Variants in PARP6 observed in about 807,000 individuals in gnomAD.
PARP6 encodes the protein poly(ADP-ribose) polymerase family member 6.
In PARP6, 27 loss-of-function variants were observed where a neutral mutation model predicts 92.0. That is an observed-to-expected ratio of 0.29 (90% CI 0.22 to 0.40). PARP6 has a LOEUF of 0.40. PARP6 is among the 10% of genes least tolerant of loss of function. The pLI, the probability that PARP6 is intolerant of heterozygous loss-of-function variation, is 1.00. For synonymous variants in PARP6, 272 were observed against 281.2 expected (o/e 0.97, Z 0.33); for missense variants, 501 against 784.5 (o/e 0.64, Z 4.32).
chr15:72,248,067 C>T (rs1374287945), intron 20 of PARP6, among the ~76,000 whole-genome samples: 4 of 152,074 alleles, frequency 2.6e-5, no homozygotes, highest in African/African-American at 7.2e-5. Context: ...CACCGTGCCC[C>T]GCCTTATTAC....
intron 20 of PARP6, among the ~76,000 whole-genome samples, chr15:72,248,514 G>C (rs552451261): frequency 3.4e-4 from 51 of 152,152 alleles, no homozygotes; most frequent in Admixed American, 1.8e-3. Context: ...AATTACTACA[G>C]GATATCAAGT....
Position 72,254,535 on chromosome 15 carries a change from T to C in PARP6, c.1126-15A>G, listed in dbSNP as rs1418117515. 5.0e-6 allele frequency: 8 copies of C among 1,600,142 alleles called. No homozygotes were observed. In the Admixed American group the frequency reaches 5.0e-5, roughly 10 times the overall value. On this transcript the variant is annotated splice_polypyrimidine_tract_variant and intron_variant, in intron 14 of 23. Coordinates refer to ENST00000569795, the MANE Select transcript of PARP6 (RefSeq NM_001323532.2). ...TAATTCTTCTTCTGTGGAGAATCAATGGGAAGAGAAGAACCAAATAAAGAA... is the reference window on the plus strand; with the variant it reads ...TAATTCTTCTTCTGTGGAGAATCAACGGGAAGAGAAGAACCAAATAAAGAA...
At chr15:72,251,479 A>T in intron 16 of PARP6, 1 of 340,950 alleles carries the variant, frequency 2.9e-6, no homozygotes. Context: ...CAAGCTAATT[A>T]TTGGGGAGTT....
At chr15:72,253,607 C>A (rs905195981) in intron 15 of PARP6, 103 bp from the exon 16 acceptor site, 2 of 895,638 alleles carry the variant, frequency 2.2e-6, no homozygotes, top group Admixed American at 2.0e-5. Context: ...AAGGTAGGCA[C>A]CAAAGGCCAC....
chr15:72,264,523 T>TGTC, intron 8 of PARP6, 32 bp downstream of exon 8: 2 of 1,542,100 alleles, frequency 1.3e-6, no homozygotes, highest in Non-Finnish European at 1.8e-6. Context: ...TTCCTTCACA[T>TGTC]GTCCATGACC....
intron 16 of PARP6, chr15:72,251,498 G>T: frequency 4.5e-6 from 1 of 220,992 alleles, no homozygotes; most frequent in Non-Finnish European, 8.3e-6. Flanking sequence ...TTAAACAATG[G>T]ATGAAAAAAA....
intron 8 of PARP6, among the ~76,000 whole-genome samples, chr15:72,263,388 C>A (rs1315264523): frequency 1.3e-5 from 2 of 152,180 alleles, no homozygotes; most frequent in African/African-American, 4.8e-5. Context: ...TACAAAAGCA[C>A]CCTACTACAC....
At chr15:72,255,664 A>G (rs189764330) in intron 14 of PARP6, among the ~76,000 whole-genome samples, 104 of 151,930 alleles carry the variant, frequency 6.8e-4, no homozygotes, top group African/African-American at 2.5e-3. Flanking sequence ...CAGCCTCCAT[A>G]ATCATGTGAG....
intron 20 of PARP6, among the ~76,000 whole-genome samples, chr15:72,248,053 G>A (rs569670270): frequency 6.6e-6 from 1 of 152,138 alleles, no homozygotes; most frequent in East Asian, 1.9e-4. Context: ...TTACACGTGT[G>A]AGCCACCGTG....
chr15:72,250,808 CTCA>C, intron 18 of PARP6, 34 bp downstream of exon 18: 8 of 1,021,628 alleles, frequency 7.8e-6, no homozygotes, highest in South Asian at 1.4e-5. Context: ...TCCCCGCCCC[CTCA>C]CCACCCCCAC....
At chr15:72,267,389 G>C in intron 3 of PARP6, 86 bp downstream of exon 3, 1 of 1,456,268 alleles carries the variant, frequency 6.9e-7, no homozygotes, top group South Asian at 1.1e-5. Flanking sequence ...GGGTAGAAGG[G>C]AAAATACCAA....
rs1567152910 is a variant in PARP6 at position 72,242,300 on chromosome 15, T to C, written c.1642-80A>G. 4.4e-6 allele frequency: 5 copies of C among 1,135,094 alleles called. No homozygotes were observed. The highest frequency in any genetic ancestry group is 6.7e-6 in the Non-Finnish European group (5 of 751,246). 70.3% of individuals were successfully genotyped at this position (1,135,094 alleles called of 1,614,324 possible). ...CCTAGAGAGGCTGGTTAGCTGATGA[T>C]TGGGAGTGGGGATCAGAGATATCCT... is the stretch of plus-strand genomic sequence containing the variant. On this transcript the variant is annotated intron_variant, in intron 21 of 23. Transcript: ENST00000569795. The surrounding 1 kb of genome is among the most constrained non-coding windows in gnomAD (Gnocchi z 4.3).
In PARP6 at chr15:72,241,743, C is replaced by G. The variant is rs2083078891; in HGVS notation, c.1790+158G>C. Among the ~76,000 whole-genome samples the G allele has an allele frequency of 6.6e-6, 1 of 152,220 alleles. No individual in the cohort carries two copies. Among genetic ancestry groups the G allele is most frequent in the Non-Finnish European group, 1.5e-5 (1 of 68,038 alleles). On this transcript the variant is annotated intron_variant, in intron 23 of 23. Transcript: ENST00000569795. This position sits in a 1 kb window ranked among gnomAD's most constrained non-coding sequence, Gnocchi z 4.1. The stretch of plus-strand genomic sequence containing the variant: ...TAGATAGATCCCAACCATCTATACC[C>G]ATTCCCATCCTCCAATGGTAAAGTC...
intron 2 of PARP6, among the ~76,000 whole-genome samples, chr15:72,269,011 G>A (rs973364965): frequency 6.6e-6 from 1 of 152,136 alleles, no homozygotes; most frequent in Non-Finnish European, 1.5e-5. Context: ...GGCTTTAATG[G>A]CTGAAGATGG....
Position 72,242,339 on chromosome 15 carries a change from C to A in PARP6, c.1642-119G>T. ...CAGAGATATCCTGGGCTCCCAGCAA[C>A]ACCCCTCGCCGCCCAGAAAATTCTT... is the stretch of plus-strand genomic sequence containing the variant. On this transcript the variant is annotated intron_variant, in intron 21 of 23. Coordinates refer to ENST00000569795, the MANE Select transcript of PARP6 (RefSeq NM_001323532.2). The surrounding 1 kb of genome is among the most constrained non-coding windows in gnomAD (Gnocchi z 4.3). 1 of 761,564 alleles carries A rather than the reference C, an allele frequency of 1.3e-6. No individual in the cohort carries two copies. Among genetic ancestry groups the A allele is most frequent in the South Asian group, 1.6e-5 (1 of 63,612 alleles). 47.2% of individuals were successfully genotyped at this position (761,564 alleles called of 1,614,324 possible).
rs1196288390 is a variant in PARP6, at chr15:72,242,281, G to A, written c.1642-61C>T. On this transcript the variant is annotated intron_variant, in intron 21 of 23. Transcript: ENST00000569795. The surrounding 1 kb of genome is among the most constrained non-coding windows in gnomAD (Gnocchi z 4.3). ...GTAGATGGGTACAGCTTTCCCTAGA[G>A]AGGCTGGTTAGCTGATGATTGGGAG... 6 of 1,354,234 alleles carry A rather than the reference G, an allele frequency of 4.4e-6. No homozygotes were observed. Among genetic ancestry groups the A allele is most frequent in the African/African-American group, 1.4e-5 (1 of 69,858 alleles). 83.9% of individuals were successfully genotyped at this position (1,354,234 alleles called of 1,614,324 possible).
chr15:72,265,214 C>T (rs560749646), intron 6 of PARP6, 43 bp from the exon 7 acceptor site: 24 of 1,386,328 alleles, frequency 1.7e-5, no homozygotes, highest in East Asian at 6.8e-5. Context: ...GCAACATAGA[C>T]GAATGGACCT....
chr15:72,260,612 G>A lies in PARP6; in HGVS notation c.622C>T (p.Leu208Phe). The change falls in exon 10 of 24, where the codon CTC (leucine) becomes TTC (phenylalanine). Residue 208 changes from leucine to phenylalanine, a missense_variant. Leu to Phe is a conservative substitution (Grantham distance 22). Coordinates refer to ENST00000569795, the MANE Select transcript of PARP6 (RefSeq NM_001323532.2). ...LGVPELRVGR[L>F]MNRSISCTMK... ...GTACAGGAGATGGAACGGTTCATGA[G>A]GCGCCCAACCCGAAGCTCTGGTACA... The A allele has an allele frequency of 6.2e-7, 1 of 1,614,180 alleles. No homozygotes were observed. The highest frequency in any genetic ancestry group is 2.2e-5 in the East Asian group (1 of 44,888).
chr15:72,272,433 T>A lies in PARP6; in HGVS notation c.-500A>T, dbSNP rs1404395255. 6.6e-6 allele frequency: 1 copy of A among 152,028 alleles called. No homozygotes were observed. The highest frequency in any genetic ancestry group is 1.5e-5 in the Non-Finnish European group (1 of 68,174). The allele number at this position is 152,028 out of a possible 1,614,324, so 9.4% of individuals were successfully genotyped here. A position where few individuals can be genotyped will look rare whatever the true frequency, so the allele number is the denominator to read the frequency against. On this transcript the variant is annotated 5_prime_UTR_variant, in exon 1 of 24. Coordinates refer to ENST00000569795, the MANE Select transcript of PARP6 (RefSeq NM_001323532.2). The stretch of plus-strand genomic sequence containing the variant: ...GGAGACGGGGCGAGCCCCGCACCCT[T>A]CCCGTGGCCCGGCCGCACCGCCCTG...
Sources: allele counts gnomAD v4.1 joint callset (sites outside exome capture counted in the v4.1 genomes callset), GRCh38; gene constraint gnomAD v4.1.1; non-coding constraint Gnocchi (gnomAD v3.1); transcripts MANE v1.5; gene names NCBI Gene and HGNC (gene_info 2026-07-23, HGNC 2026-07-21).